Variants in KLF12 observed in about 807,000 individuals in gnomAD.
The protein encoded by KLF12 is Krueppel-like factor 12.
In KLF12, 9 loss-of-function variants were observed where a neutral mutation model predicts 37.8. The observed-to-expected ratio is 0.24, with a 90% CI of 0.14 to 0.42. The LOEUF (loss-of-function observed/expected upper bound fraction) is 0.42. KLF12 is among the 10% of genes least tolerant of loss of function. The pLI, the probability that KLF12 is intolerant of heterozygous loss-of-function variation, is 1.00. For missense variants in KLF12, 411 were observed against 516.0 expected, an observed-to-expected ratio of 0.80 and a Z score of 1.97; for synonymous variants, 208 against 202.1, an observed-to-expected ratio of 1.03 and a Z score of -0.25.
chr13:73,767,738 T>C (rs1247729228), intron 5 of KLF12, among the ~76,000 whole-genome samples: 1 of 152,166 alleles, frequency 6.6e-6, no homozygotes, highest in Non-Finnish European at 1.5e-5. Flanking sequence ...GCTAAGCATA[T>C]GAGAACTTTT....
intron 7 of KLF12, among the ~76,000 whole-genome samples, chr13:73,700,982 C>T (rs1874513907): frequency 6.6e-6 from 1 of 152,076 alleles, no homozygotes; most frequent in Admixed American, 6.5e-5. Flanking sequence ...TGTAAGATAT[C>T]CAGTAGTATG....
At chr13:73,914,061 C>T (rs1378508022) in intron 3 of KLF12, among the ~76,000 whole-genome samples, 4 of 152,198 alleles carry the variant, frequency 2.6e-5, no homozygotes, top group African/African-American at 9.7e-5. Flanking sequence ...TTTAAGCTGA[C>T]TGGCTTATTC....
chr13:73,859,891 T>C (rs1045431771), intron 3 of KLF12, among the ~76,000 whole-genome samples: 2 of 152,120 alleles, frequency 1.3e-5, no homozygotes, highest in Non-Finnish European at 2.9e-5. Flanking sequence ...AAAAATCAGC[T>C]CACCACAAAT....
chr13:74,179,474 CA>C, the KLF12 span, among the ~76,000 whole-genome samples: 2 of 152,186 alleles, frequency 1.3e-5, no homozygotes, highest in East Asian at 3.9e-4. Flanking sequence ...TAGTATTAAG[CA>C]AAATGCAGAA....
the KLF12 span, among the ~76,000 whole-genome samples, chr13:74,267,776 G>T: frequency 1.3e-5 from 2 of 152,172 alleles, no homozygotes; most frequent in African/African-American, 4.8e-5. Context: ...TTAGGTGATG[G>T]ATACCCCAAT....
intron 5 of KLF12, among the ~76,000 whole-genome samples, chr13:73,809,726 T>A (rs944999310): frequency 1.1e-4 from 17 of 152,190 alleles, no homozygotes; most frequent in African/African-American, 4.1e-4. Context: ...ATTGCACACT[T>A]CCCAGTGTTT....
the KLF12 span, among the ~76,000 whole-genome samples, chr13:74,254,651 T>C: frequency 6.6e-6 from 1 of 152,154 alleles, no homozygotes; most frequent in East Asian, 1.9e-4. Flanking sequence ...TCTAAGGTGG[T>C]AAAGTTTATA....
In KLF12 at chr13:74,078,753, T is replaced by C. The variant is rs557366860; in HGVS notation, c.-32+54986A>G. ...GATTAATGATACCAAATAACTTCTC[T>C]GTTCCTGAGTTAAATTAAAACATTT... On this transcript the variant is annotated intron_variant, in intron 1 of 7. Coordinates refer to ENST00000377669, the MANE Select transcript of KLF12 (RefSeq NM_007249.5). Among the ~76,000 whole-genome samples the C allele has an allele frequency of 1.2e-3, 189 of 152,364 alleles. 1 individual carries two copies. The highest frequency in any genetic ancestry group is 1.4e-3 in the Non-Finnish European group (93 of 68,040).
intron 1 of KLF12, among the ~76,000 whole-genome samples, chr13:74,098,532 G>C (rs1876115094): frequency 6.6e-6 from 1 of 152,160 alleles, no homozygotes. Context: ...TTTATCTGTA[G>C]AAGATGATTT....
chr13:74,008,673 G>A (rs1892475994), intron 1 of KLF12, among the ~76,000 whole-genome samples: 1 of 152,152 alleles, frequency 6.6e-6, no homozygotes, highest in Non-Finnish European at 1.5e-5. Context: ...TGAAATTAAG[G>A]GGTTGAAGAT....
At chr13:73,919,565 T>C (rs1351369781) in intron 3 of KLF12, among the ~76,000 whole-genome samples, 1 of 152,190 alleles carries the variant, frequency 6.6e-6, no homozygotes, top group Admixed American at 6.5e-5. Flanking sequence ...TAAGTCCAAA[T>C]TAAAATTGGC....
chr13:73,850,638 T>C (rs2138721100), intron 3 of KLF12, among the ~76,000 whole-genome samples: 1 of 152,338 alleles, frequency 6.6e-6, no homozygotes, highest in African/African-American at 2.4e-5. Context: ...AATATTCTAC[T>C]AAATGTCGTT....
chr13:73,696,969 C>G (rs1285569771), intron 7 of KLF12, among the ~76,000 whole-genome samples: 1 of 152,062 alleles, frequency 6.6e-6, no homozygotes, highest in Non-Finnish European at 1.5e-5. Flanking sequence ...GTTTAGACGC[C>G]CTTCTGTACC....
At chr13:73,807,656 T>C (rs1882717654) in intron 5 of KLF12, among the ~76,000 whole-genome samples, 1 of 152,196 alleles carries the variant, frequency 6.6e-6, no homozygotes, top group South Asian at 2.1e-4. Flanking sequence ...CTGAGCATTA[T>C]AATCAAAATC....
chr13:73,738,397 C>T (rs994556854), intron 6 of KLF12, among the ~76,000 whole-genome samples: 4 of 151,826 alleles, frequency 2.6e-5, no homozygotes, highest in Admixed American at 1.3e-4. Flanking sequence ...GGTGATCCAC[C>T]CGCCTCAGCC....
chr13:74,279,719 A>G, the KLF12 span, among the ~76,000 whole-genome samples: 2 of 152,168 alleles, frequency 1.3e-5, no homozygotes, highest in Non-Finnish European at 2.9e-5. Flanking sequence ...GTACAGGAAA[A>G]CACATCAGGT....
intron 3 of KLF12, among the ~76,000 whole-genome samples, chr13:73,894,288 C>G (rs548155415): frequency 6.6e-6 from 1 of 152,302 alleles, no homozygotes; most frequent in Non-Finnish European, 1.5e-5. Context: ...GTCTACAAAC[C>G]ATGCACACCA....
chr13:73,769,995 G>A (rs1368305313), intron 5 of KLF12, among the ~76,000 whole-genome samples: 2 of 151,956 alleles, frequency 1.3e-5, no homozygotes, highest in Non-Finnish European at 2.9e-5. Flanking sequence ...AACCATTTAG[G>A]TTATATAATC....
intron 1 of KLF12, among the ~76,000 whole-genome samples, chr13:74,114,167 A>G (rs1877143721): frequency 6.6e-6 from 1 of 152,166 alleles, no homozygotes; most frequent in Non-Finnish European, 1.5e-5. Flanking sequence ...TGCTGTGAAC[A>G]CTGATGAACT....
Sources: allele counts gnomAD v4.1 joint callset (sites outside exome capture counted in the v4.1 genomes callset), GRCh38; gene constraint gnomAD v4.1.1; transcripts MANE v1.5; gene names NCBI Gene and HGNC (gene_info 2026-07-23, HGNC 2026-07-21).